Variants in WASHC2C observed in about 807,000 individuals in gnomAD.
The protein encoded by WASHC2C is Vaccinia Penetration Factor.
In WASHC2C, 73 loss-of-function variants were observed where a neutral mutation model predicts 142.2. The observed-to-expected ratio is 0.51, with a 90% CI of 0.43 to 0.62. The LOEUF is 0.62. Ranked by LOEUF, WASHC2C falls within the 20% of genes least tolerant of loss-of-function variation. The pLI, the probability that WASHC2C is intolerant of heterozygous loss-of-function variation, is 0.00. For synonymous variants in WASHC2C, 337 were observed against 565.5 expected (o/e 0.60, Z 5.73); for missense variants, 969 against 1,531.7 (o/e 0.63, Z 6.13).
chr10:45,786,537 T>G, intron 26 of WASHC2C, 75 bp from the exon 27 acceptor site: 2 of 1,524,828 alleles, frequency 1.3e-6, no homozygotes, highest in African/African-American at 2.7e-5. Flanking sequence ...CCATCACAGA[T>G]TTATTTACAG....
Position 45,754,676 on chromosome 10 carries a change from A to G in WASHC2C, c.1240+131A>G, listed in dbSNP as rs2054021027. On this transcript the variant is annotated intron_variant, in intron 14 of 30. Transcript: ENST00000623400. ...AGCTTCAAAGGGCTTTGAGCATCTT[A>G]TAGAAAGAGCTCATTTACTGATATT... is the stretch of plus-strand genomic sequence containing the variant. 3.0e-6 allele frequency: 3 copies of G among 984,332 alleles called. No individual in the cohort carries two copies. The South Asian group carries it at 5.2e-5, about 17-fold the overall frequency. The allele number at this position is 984,332 out of a possible 1,614,324, so 61.0% of individuals were successfully genotyped here.
At chr10:45,768,638 A>G (rs1589834877) in intron 19 of WASHC2C, among the ~76,000 whole-genome samples, 2 of 152,334 alleles carry the variant, frequency 1.3e-5, no homozygotes, top group East Asian at 1.9e-4. Context: ...AATGCTTTCT[A>G]AAGGCCACAT....
intron 3 of WASHC2C, among the ~76,000 whole-genome samples, chr10:45,736,422 A>G (rs1323855728): frequency 9.5e-5 from 14 of 147,200 alleles, no homozygotes; most frequent in African/African-American, 3.6e-4. Context: ...AAAAAAAAAA[A>G]AAAAAAAAAA....
At chr10:45,731,989 G>A (rs569302191) in intron 3 of WASHC2C, among the ~76,000 whole-genome samples, 48 of 151,776 alleles carry the variant, frequency 3.2e-4, no homozygotes, top group African/African-American at 1.1e-3. Flanking sequence ...GTAGAGATGG[G>A]GTTTCACCGT....
chr10:45,765,263 C>CCA (rs2055653162), intron 18 of WASHC2C, among the ~76,000 whole-genome samples: 2 of 150,178 alleles, frequency 1.3e-5, no homozygotes. Context: ...CTCCTTTCAG[C>CCA]CATTGTTCTG....
At position 45,792,481 on chromosome 10, in the gene WASHC2C, T is replaced by C; in HGVS notation, c.*81T>C. 6.5e-7 allele frequency: 1 copy of C among 1,543,556 alleles called. No individual in the cohort carries two copies. Among genetic ancestry groups the C allele is most frequent in the Non-Finnish European group, 8.8e-7 (1 of 1,135,448 alleles). ...TATTGTATATGCTCATGGTCTTAAC[T>C]GGATTACAAAAAGCAAATACTAGAA... On this transcript the variant is annotated 3_prime_UTR_variant, in exon 31 of 31. Transcript: ENST00000623400.
At chr10:45,727,220 T>C (rs1040520747), upstream of WASHC2C, 11 of 1,505,598 alleles carry the variant, frequency 7.3e-6, no homozygotes, top group South Asian at 2.5e-5. Context: ...GTGAGGCCGG[T>C]CACGCCCCGG....
intron 4 of WASHC2C, among the ~76,000 whole-genome samples, chr10:45,738,862 G>A (rs1392510840): frequency 2.6e-5 from 4 of 152,186 alleles, no homozygotes; most frequent in Non-Finnish European, 4.4e-5. Flanking sequence ...GTGCCACCAC[G>A]CCTGGCTAAT....
chr10:45,754,360 T>A, intron 13 of WASHC2C, 126 bp from the exon 14 acceptor site: 1 of 1,548,936 alleles, frequency 6.5e-7, no homozygotes, highest in Non-Finnish European at 8.7e-7. Context: ...AATGGCTTGT[T>A]CAGGAAAAAG....
intron 23 of WASHC2C, among the ~76,000 whole-genome samples, chr10:45,780,559 T>G (rs1210528473): frequency 1.8e-4 from 27 of 152,120 alleles, no homozygotes; most frequent in Admixed American, 6.5e-4. Context: ...AAGGAAAAAG[T>G]GAAATGAAGC....
Position 45,737,833 on chromosome 10 carries a change from C to T in WASHC2C, c.292-150C>T, listed in dbSNP as rs544707039. 2.8e-5 allele frequency: 42 copies of T among 1,487,800 alleles called. No homozygotes were observed. In the Admixed American group the frequency reaches 3.6e-4, roughly 13 times the overall value. 92.2% of individuals were successfully genotyped at this position (1,487,800 alleles called of 1,614,324 possible). ...GCTGTTAGTCCATGACCCACTGTTA[C>T]GGACACCCACCTGGTAGTGGTCTCA... On this transcript the variant is annotated intron_variant, in intron 3 of 30. Transcript: ENST00000623400.
At chr10:45,727,083 T>A (rs1484693677), upstream of WASHC2C, 1 of 1,323,792 alleles carries the variant, frequency 7.6e-7, no homozygotes, top group Non-Finnish European at 9.8e-7. Context: ...GCCCCTATCC[T>A]CCAGCTTCCT....
chr10:45,748,979 T>G (rs2805153), intron 8 of WASHC2C, among the ~76,000 whole-genome samples: 5 of 152,190 alleles, frequency 3.3e-5, no homozygotes, highest in East Asian at 1.9e-4. Flanking sequence ...GGGGCGGGGC[T>G]TGGTATCATC....
In WASHC2C at chr10:45,729,075, T is replaced by C. The variant is rs782434702; in HGVS notation, c.291+49T>C. 10 of 1,528,534 alleles carry C rather than the reference T, an allele frequency of 6.5e-6. No individual in the cohort carries two copies. In the East Asian group the frequency reaches 7.0e-5, roughly 11 times the overall value. 94.7% of individuals were successfully genotyped at this position (1,528,534 alleles called of 1,614,324 possible). A position where few individuals can be genotyped will look rare whatever the true frequency, so the allele number is the denominator to read the frequency against. On this transcript the variant is annotated intron_variant, in intron 3 of 30. Transcript: ENST00000623400. ...ATTCCTTTTTTGGGAGTAGGAGATA[T>C]TGTAATTTTAAATAACTTACTGTTA...
chr10:45,786,721 A>G (rs782163865), intron 27 of WASHC2C, 47 bp downstream of exon 27: 5 of 1,611,588 alleles, frequency 3.1e-6, no homozygotes, highest in African/African-American at 1.3e-5. Flanking sequence ...TGGCATCTAT[A>G]AACTTTTTTG....
chr10:45,787,410 C>A (rs561923966), intron 28 of WASHC2C, among the ~76,000 whole-genome samples, 163 bp downstream of exon 28: 2 of 150,670 alleles, frequency 1.3e-5, no homozygotes, highest in South Asian at 2.1e-4. Flanking sequence ...TCCCCACCCC[C>A]CTCATCCTGC....
At chr10:45,753,970 G>T (rs1269251523) in intron 13 of WASHC2C, among the ~76,000 whole-genome samples, 2 of 151,538 alleles carry the variant, frequency 1.3e-5, no homozygotes, top group Non-Finnish European at 2.9e-5. Context: ...CGCTCCTTGT[G>T]CCTGCTGTGC....
chr10:45,736,750 A>G (rs1479237351), intron 3 of WASHC2C, among the ~76,000 whole-genome samples: 3 of 152,288 alleles, frequency 2.0e-5, no homozygotes, highest in African/African-American at 4.8e-5. Context: ...TAGGGAGGGA[A>G]CTATTTTAAA....
intron 6 of WASHC2C, among the ~76,000 whole-genome samples, chr10:45,744,121 C>T (rs1289161972): frequency 5.9e-5 from 9 of 151,526 alleles, no homozygotes; most frequent in African/African-American, 2.2e-4. Flanking sequence ...TGCAATGGTG[C>T]GATCTTGGCT....
Sources: gnomAD v4.1 joint callset for allele counts (sites outside exome capture counted in the v4.1 genomes callset) on GRCh38, gnomAD v4.1.1 for gene constraint, MANE v1.5 for transcripts, NCBI Gene and HGNC (gene_info 2026-07-23, HGNC 2026-07-21) for gene names.